INO80: variants seen among roughly 807,000 people sequenced by gnomAD.
INO80 encodes INO80 complex ATPase subunit, also known as chromatin-remodeling ATPase INO80.
In INO80, 20 loss-of-function variants were observed where a neutral mutation model predicts 203.4. That is an observed-to-expected ratio of 0.10 (90% confidence interval 0.07 to 0.14). INO80 has a LOEUF of 0.14. INO80 is among the 10% of genes least tolerant of loss of function. The probability of loss-of-function intolerance (pLI) is 1.00; values close to 1 mark genes in which losing one functional copy is unlikely to be tolerated. For synonymous variants in INO80, 726 were observed against 685.2 expected, an observed-to-expected ratio of 1.06 and a Z score of -0.93; for missense variants, 1,419 against 1,914.4, an observed-to-expected ratio of 0.74 and a Z score of 4.83.
At chr15:41,112,237 A>G (rs546884092) in intron 1 of INO80, among the ~76,000 whole-genome samples, 3 of 152,304 alleles carry the variant, frequency 2.0e-5, no homozygotes, top group South Asian at 4.1e-4. Context: ...GGGAAGGCAG[A>G]AGGACTATAA....
intron 29 of INO80, among the ~76,000 whole-genome samples, chr15:40,992,519 G>A (rs2043829491): frequency 6.6e-6 from 1 of 152,090 alleles, no homozygotes; most frequent in Non-Finnish European, 1.5e-5. Context: ...ACATTTTTAG[G>A]TTGATTAATC....
At chr15:41,103,986 A>T (rs1010019299) in intron 1 of INO80, among the ~76,000 whole-genome samples, 14 of 151,718 alleles carry the variant, frequency 9.2e-5, no homozygotes, top group African/African-American at 3.1e-4. Flanking sequence ...GAGGCCAAGG[A>T]AGGCTGATCA....
At chr15:41,098,132 G>A (rs1257783256) in intron 1 of INO80, among the ~76,000 whole-genome samples, 1 of 152,154 alleles carries the variant, frequency 6.6e-6, no homozygotes, top group Non-Finnish European at 1.5e-5. Context: ...TTACAGGCGT[G>A]AGCCACCACG....
At chr15:41,044,883 T>C in intron 24 of INO80, 21 bp downstream of exon 24, 2 of 1,578,846 alleles carry the variant, frequency 1.3e-6, no homozygotes, top group Non-Finnish European at 1.7e-6. Context: ...GTAGGTAATT[T>C]ATGCTCAAAT....
intron 28 of INO80, among the ~76,000 whole-genome samples, chr15:40,998,272 C>T (rs1200068336): frequency 2.0e-5 from 3 of 152,122 alleles, no homozygotes; most frequent in East Asian, 3.9e-4. Context: ...CCGCCCGCCT[C>T]GGCCTCCCAA....
chr15:41,098,484 G>A (rs1243789974), intron 1 of INO80, among the ~76,000 whole-genome samples: 1 of 151,972 alleles, frequency 6.6e-6, no homozygotes, highest in African/African-American at 2.4e-5. Context: ...AGATCAACCT[G>A]GGCAACACAG....
intron 14 of INO80, among the ~76,000 whole-genome samples, chr15:41,063,592 G>T (rs1459302214): frequency 1.3e-5 from 2 of 152,048 alleles, no homozygotes; most frequent in African/African-American, 2.4e-5. Flanking sequence ...TGGCTAACAT[G>T]GTGAAACCCC....
At chr15:41,010,753 C>G (rs75986855) in intron 27 of INO80, among the ~76,000 whole-genome samples, 4,595 of 152,268 alleles carry the variant, frequency 0.03, 107 homozygotes, top group Non-Finnish European at 0.048. Flanking sequence ...TATTACCAAC[C>G]TTTCATTCTG....
At chr15:41,056,290 C>T (rs1323505367) in intron 17 of INO80, among the ~76,000 whole-genome samples, 1 of 152,030 alleles carries the variant, frequency 6.6e-6, no homozygotes, top group African/African-American at 2.4e-5. Context: ...CAATTAACTC[C>T]CCCCAAAAAT....
chr15:41,107,959 G>T (rs1331205500), intron 1 of INO80, among the ~76,000 whole-genome samples: 1 of 152,018 alleles, frequency 6.6e-6, no homozygotes, highest in African/African-American at 2.4e-5. Context: ...AATTAGCCGG[G>T]CATGGTGGTG....
chr15:41,048,476 T>C (rs1260987767), intron 21 of INO80, among the ~76,000 whole-genome samples, 200 bp from the exon 22 acceptor site: 2 of 152,196 alleles, frequency 1.3e-5, no homozygotes, highest in Admixed American at 6.5e-5. Context: ...TGTAAGAAGA[T>C]AATACAAATT....
chr15:41,081,024 C>T lies in INO80; in HGVS notation c.923G>A (p.Arg308Gln). The T allele has an allele frequency of 1.9e-6, 3 of 1,590,594 alleles. No individual in the cohort carries two copies. The highest frequency in any genetic ancestry group is 2.2e-5 in the East Asian group (1 of 44,746). ...SARNLFLTNS[R>Q]KLAHQCMKEV... is the part of the protein sequence containing the mutation. ...AATACAAAACTACAATTTTACCTTT[C>T]GGCTATTGGTGAGAAACAGGTTACG... The change falls in exon 8 of 36, where the codon CGA (arginine) becomes CAA (glutamine). Residue 308 changes from arginine (R) to glutamine (Q), a missense_variant. This residue lies in a region of INO80 where 87 missense variants were observed against 150.5 expected (regional missense o/e 0.58). Coordinates refer to ENST00000648947, the MANE Select transcript of INO80 (RefSeq NM_017553.3).
chr15:40,985,635 T>C (rs181914837), intron 31 of INO80, among the ~76,000 whole-genome samples: 1 of 152,236 alleles, frequency 6.6e-6, no homozygotes, highest in East Asian at 1.9e-4. Flanking sequence ...GCTGGCTCGG[T>C]GTGGTGACTC....
At chr15:41,092,974 G>A (rs561158217) in intron 4 of INO80, among the ~76,000 whole-genome samples, 1 of 152,278 alleles carries the variant, frequency 6.6e-6, no homozygotes, top group South Asian at 2.1e-4. Context: ...GTTCAAGGGT[G>A]CAGTGAGCTA....
rs1450258444 is a variant in INO80 at position 40,980,254 on chromosome 15, C to A, written c.4640G>T (p.Gly1547Val). The change falls in exon 36 of 36, where the codon GGC becomes GTC. Residue 1547 changes from glycine (G) to valine (V), a missense_variant. Gly to Val is a moderately radical substitution (Grantham distance 109). Transcript: ENST00000648947. ...TCCTCCAGAGGGGTTGGTGCCTTTGCCCTGTTTCCGGACCAGAGAGTCTGG... is the reference window on the plus strand; with the variant it reads ...TCCTCCAGAGGGGTTGGTGCCTTTGACCTGTTTCCGGACCAGAGAGTCTGG... ...LAPDSLVRKQ[G>V]KGTNPSGGR 2.5e-6 allele frequency: 4 copies of A among 1,613,120 alleles called. No homozygotes were observed. In the Admixed American group the frequency reaches 6.7e-5, roughly 27 times the overall value.
At chr15:41,114,998 GC>G (rs577040728) in intron 1 of INO80, among the ~76,000 whole-genome samples, 443 of 152,154 alleles carry the variant, frequency 2.9e-3, no homozygotes, top group African/African-American at 9.9e-3. Context: ...TTAATTATAC[GC>G]TTTAGAAAGC....
At chr15:41,106,564 G>C (rs1214528769) in intron 1 of INO80, among the ~76,000 whole-genome samples, 1 of 151,968 alleles carries the variant, frequency 6.6e-6, no homozygotes, top group Non-Finnish European at 1.5e-5. Flanking sequence ...GAGTCTGGAA[G>C]GTCATGGCTG....
chr15:41,035,604 G>A (rs955527024), intron 24 of INO80, among the ~76,000 whole-genome samples: 3 of 151,606 alleles, frequency 2.0e-5, no homozygotes, highest in South Asian at 2.1e-4. Context: ...GATGGATCAC[G>A]AGGTCGGGAG....
chr15:41,107,663 C>T (rs1395612258), intron 1 of INO80, among the ~76,000 whole-genome samples: 2 of 151,324 alleles, frequency 1.3e-5, no homozygotes, highest in Non-Finnish European at 2.9e-5. Flanking sequence ...AGCTGGGTGT[C>T]CTGGTGGGCA....
Sources: gnomAD v4.1 joint callset for allele counts (sites outside exome capture counted in the v4.1 genomes callset) on GRCh38, gnomAD v4.1.1 for gene constraint, gnomAD v4.1.1 regional missense constraint, MANE v1.5 for transcripts, NCBI Gene and HGNC (gene_info 2026-07-23, HGNC 2026-07-21) for gene names.